The following UNC13B variants were observed in gnomAD, a reference collection of about 807,000 sequenced individuals.
UNC13B encodes the protein unc-13 homolog B, also known as protein unc-13 homolog B.
In UNC13B, 144 loss-of-function variants were observed where a neutral mutation model predicts 211.0. That is an observed-to-expected ratio of 0.68 (90% CI 0.60 to 0.78). UNC13B has a LOEUF of 0.78. UNC13B is among the 30% of genes least tolerant of loss of function. UNC13B has a pLI of 0.00. For synonymous variants in UNC13B, 709 were observed against 725.8 expected, an observed-to-expected ratio of 0.98 and a Z score of 0.37; for missense variants, 1,777 against 2,002.0, an observed-to-expected ratio of 0.89 and a Z score of 2.14.
intron 5 of UNC13B, among the ~76,000 whole-genome samples, chr9:35,239,886 G>A (rs953200635): frequency 2.0e-4 from 30 of 152,132 alleles, no homozygotes; most frequent in Non-Finnish European, 2.8e-4. Context: ...CCTGAACATC[G>A]CTGTTATCCT....
Position 35,221,302 on chromosome 9 carries a change from T to C in UNC13B, c.23-6713T>C, listed in dbSNP as rs1037885564. Among the ~76,000 whole-genome samples, 6 of 152,274 alleles carry C rather than the reference T, an allele frequency of 3.9e-5. No individual in the cohort carries two copies. In the South Asian group the frequency reaches 1.0e-3, roughly 26 times the overall value. On this transcript the variant is annotated intron_variant, in intron 1 of 39. Transcript: ENST00000635942. ...CCAGGCTGGTCTGGAATTCCTGAGC[T>C]CAAGCAATCCACCTTCCTTGGCCTC... is the stretch of plus-strand genomic sequence containing the variant.
At position 35,301,242 on chromosome 9, in the gene UNC13B, A is replaced by G. The variant is rs1829667371; in HGVS notation, c.1838A>G (p.His613Arg). 1.0e-5 allele frequency: 4 copies of G among 398,816 alleles called. No individual in the cohort carries two copies. Among genetic ancestry groups the G allele is most frequent in the Non-Finnish European group, 1.3e-5 (3 of 225,962 alleles). 24.7% of individuals were successfully genotyped at this position (398,816 alleles called of 1,614,324 possible). ...GATGATAATGTGAATATAGACAGACATAGAAAAACCTCTGAAAATGAGCAC... is the reference window on the plus strand; with the variant it reads ...GATGATAATGTGAATATAGACAGACGTAGAAAAACCTCTGAAAATGAGCAC... The part of the protein sequence containing the change: ...QKDDNVNIDR[H>R]RKTSENEHMG... The change falls in exon 9 of 40, where the codon CAT (histidine) becomes CGT (arginine). Residue 613 changes from histidine to arginine, a missense_variant. Physicochemically the swap from His to Arg is conservative, Grantham distance 29 (BLOSUM62 0). Transcript: ENST00000635942.
At chr9:35,287,838 G>A (rs1013327483) in intron 7 of UNC13B, among the ~76,000 whole-genome samples, 14 of 151,918 alleles carry the variant, frequency 9.2e-5, no homozygotes, top group Admixed American at 2.6e-4. Flanking sequence ...CTCCACACCC[G>A]TATATCTGGC....
chr9:35,183,826 G>GC (rs1437337187), intron 1 of UNC13B, among the ~76,000 whole-genome samples: 5 of 125,362 alleles, frequency 4.0e-5, no homozygotes, highest in Admixed American at 8.3e-5. Flanking sequence ...GGGCAGAGGC[G>GC]CTCCTCGCCT....
At chr9:35,184,284 C>T (rs535475285) in intron 1 of UNC13B, among the ~76,000 whole-genome samples, 40 of 152,250 alleles carry the variant, frequency 2.6e-4, no homozygotes, top group South Asian at 8.3e-4. Flanking sequence ...CAGGCAGAGA[C>T]GCTGCCCACT....
intron 1 of UNC13B, among the ~76,000 whole-genome samples, chr9:35,194,707 C>T (rs1822842289): frequency 1.3e-5 from 2 of 152,182 alleles, no homozygotes; most frequent in African/African-American, 4.8e-5. Flanking sequence ...GATTCCACTC[C>T]TCTACTCACC....
At chr9:35,396,781 C>T in intron 27 of UNC13B, 60 bp from the exon 28 acceptor site, 1 of 1,608,086 alleles carries the variant, frequency 6.2e-7, no homozygotes, top group South Asian at 1.1e-5. Flanking sequence ...GTGGAGCTGT[C>T]AGGAAGTGGC....
intron 26 of UNC13B, among the ~76,000 whole-genome samples, chr9:35,392,827 A>G (rs1400388696): frequency 6.6e-6 from 1 of 152,178 alleles, no homozygotes; most frequent in Non-Finnish European, 1.5e-5. Flanking sequence ...AGGGTGAAAC[A>G]TTAAAAAAAA....
chr9:35,275,484 G>A (rs768763738), intron 7 of UNC13B, among the ~76,000 whole-genome samples: 9 of 152,082 alleles, frequency 5.9e-5, no homozygotes, highest in African/African-American at 7.2e-5. Context: ...ATCATCGTTA[G>A]CATTTTCTTG....
At chr9:35,309,356 A>G in intron 9 of UNC13B, among the ~76,000 whole-genome samples, 1 of 152,088 alleles carries the variant, frequency 6.6e-6, no homozygotes. Context: ...GAGGATCAGA[A>G]ATCAGCCTGA....
chr9:35,375,480 G>A (rs1225042618), intron 14 of UNC13B, among the ~76,000 whole-genome samples: 2 of 152,174 alleles, frequency 1.3e-5, no homozygotes, highest in East Asian at 1.9e-4. Context: ...CTTAGAAAGC[G>A]TGAATGCTGG....
intron 1 of UNC13B, among the ~76,000 whole-genome samples, chr9:35,183,633 G>T (rs1200616392): frequency 7.1e-6 from 1 of 141,554 alleles, no homozygotes; most frequent in East Asian, 2.2e-4. Context: ...CCGGGCAGAG[G>T]CACTCCTCAC....
chr9:35,267,103 T>C (rs1400463694), intron 7 of UNC13B, among the ~76,000 whole-genome samples: 1 of 152,186 alleles, frequency 6.6e-6, no homozygotes, highest in Non-Finnish European at 1.5e-5. Flanking sequence ...GGGAGATACA[T>C]TGGGACCTTG....
intron 11 of UNC13B, among the ~76,000 whole-genome samples, chr9:35,335,487 T>G (rs913224693): frequency 2.0e-5 from 3 of 152,306 alleles, no homozygotes; most frequent in Admixed American, 6.5e-5. Context: ...TTAAGCTGCT[T>G]CTTCTCTTTG....
At chr9:35,384,871 G>T in intron 22 of UNC13B, 1 of 680,350 alleles carries the variant, frequency 1.5e-6, no homozygotes, top group Non-Finnish European at 1.8e-6. Flanking sequence ...TCCTATGTTA[G>T]ATCTTAGAAA....
intron 7 of UNC13B, among the ~76,000 whole-genome samples, chr9:35,294,738 C>G (rs1001120190): frequency 5.3e-5 from 8 of 152,174 alleles, no homozygotes; most frequent in Non-Finnish European, 8.8e-5. Context: ...ACGTGGAACC[C>G]TGTTAATCAT....
chr9:35,257,359 A>G (rs1254358218), intron 6 of UNC13B, among the ~76,000 whole-genome samples: 3 of 3,072 alleles, frequency 9.8e-4, no homozygotes, highest in Non-Finnish European at 3.9e-3. Context: ...AAATATTTAT[A>G]TAAATATTTA....
chr9:35,267,024 G>A (rs1320458009), intron 7 of UNC13B, among the ~76,000 whole-genome samples: 1 of 152,194 alleles, frequency 6.6e-6, no homozygotes, highest in Non-Finnish European at 1.5e-5. Context: ...TCTAAGAAGA[G>A]CTTCTTTTGA....
At chr9:35,318,307 C>G (rs1830566476) in intron 11 of UNC13B, among the ~76,000 whole-genome samples, 1 of 152,124 alleles carries the variant, frequency 6.6e-6, no homozygotes, top group African/African-American at 2.4e-5. Context: ...ACCATTTGTA[C>G]TTAAGATGAG....
Sources: allele counts gnomAD v4.1 joint callset (sites outside exome capture counted in the v4.1 genomes callset), GRCh38; gene constraint gnomAD v4.1.1; transcripts MANE v1.5; gene names NCBI Gene and HGNC (gene_info 2026-07-23, HGNC 2026-07-21).